The following PTPRC variants were observed in gnomAD, a reference collection of about 807,000 sequenced individuals.
PTPRC encodes protein tyrosine phosphatase receptor type C, also known as receptor-type tyrosine-protein phosphatase C.
In PTPRC, 44 loss-of-function variants were observed where a neutral mutation model predicts 155.9. That is an observed-to-expected ratio of 0.28 (90% confidence interval 0.22 to 0.36). PTPRC has a LOEUF of 0.36. PTPRC is among the 10% of genes least tolerant of loss of function. The probability of loss-of-function intolerance (pLI) is 1.00; values close to 1 mark genes in which losing one functional copy is unlikely to be tolerated. For synonymous variants in PTPRC, 525 were observed against 533.1 expected, an observed-to-expected ratio of 0.98 and a Z score of 0.21; for missense variants, 1,401 against 1,564.6, an observed-to-expected ratio of 0.90 and a Z score of 1.76.
rs567400223 is a variant in PTPRC at position 198,737,549 on chromosome 1, G to C, written c.2403+2297G>C. Among the ~76,000 whole-genome samples, 314 of 151,738 alleles carry C rather than the reference G, an allele frequency of 2.1e-3. 2 individuals are homozygous for C. The highest frequency in any genetic ancestry group is 7.4e-3 in the African/African-American group (306 of 41,468). On this transcript the variant is annotated intron_variant, in intron 23 of 32. Coordinates refer to ENST00000442510, the MANE Select transcript of PTPRC (RefSeq NM_002838.5). ...TATGTTTTTATGCCAGTACCATGCT[G>C]TTCTGGTTACTATAGCTCTGAAGTA...
chr1:198,721,744 T>C (rs566599365), intron 14 of PTPRC, among the ~76,000 whole-genome samples: 1 of 152,000 alleles, frequency 6.6e-6, no homozygotes, highest in Non-Finnish European at 1.5e-5. Context: ...GGGTAAATTA[T>C]ATATTCTCCA....
intron 32 of PTPRC, 194 bp downstream of exon 32, chr1:198,754,598 G>GTAAA (rs1655543520): frequency 4.4e-6 from 3 of 685,222 alleles, no homozygotes; most frequent in Non-Finnish European, 4.7e-6. Context: ...ATTATTATAA[G>GTAAA]TCTAAATAAG....
intron 2 of PTPRC, among the ~76,000 whole-genome samples, chr1:198,690,756 C>T (rs767011521): frequency 2.3e-4 from 35 of 152,184 alleles, no homozygotes; most frequent in Middle Eastern, 3.4e-3. Context: ...CATCTGATCT[C>T]TGATTCTCTT....
At chr1:198,742,199 C>G (rs1287924240) in intron 24 of PTPRC, 33 bp from the exon 25 acceptor site, 2 of 1,612,008 alleles carry the variant, frequency 1.2e-6, no homozygotes, top group Admixed American at 3.3e-5. Context: ...TTTCCATGAT[C>G]ATGCCTCTGC....
At chr1:198,683,526 AC>A (rs1242032253) in intron 2 of PTPRC, among the ~76,000 whole-genome samples, 2 of 152,116 alleles carry the variant, frequency 1.3e-5, no homozygotes, top group Non-Finnish European at 2.9e-5. Context: ...ATGGGAACAA[AC>A]CTATTCTGGA....
chr1:198,742,870 A>G (rs1161456103), intron 25 of PTPRC, among the ~76,000 whole-genome samples: 2 of 151,770 alleles, frequency 1.3e-5, no homozygotes, highest in East Asian at 3.9e-4. Flanking sequence ...ACAGACTTAT[A>G]ACCACAAAAG....
intron 2 of PTPRC, among the ~76,000 whole-genome samples, chr1:198,667,552 G>A (rs1664393336): frequency 2.0e-5 from 3 of 152,144 alleles, no homozygotes; most frequent in Admixed American, 2.0e-4. Flanking sequence ...ATTATTGATG[G>A]ACAATAAAGG....
chr1:198,649,445 G>C (rs1412051421), intron 2 of PTPRC, among the ~76,000 whole-genome samples: 1 of 151,940 alleles, frequency 6.6e-6, no homozygotes, highest in East Asian at 1.9e-4. Flanking sequence ...GAAGGAAACA[G>C]ATAAACCAAA....
intron 2 of PTPRC, among the ~76,000 whole-genome samples, chr1:198,689,424 T>C (rs1394255505): frequency 1.3e-5 from 2 of 152,182 alleles, no homozygotes; most frequent in African/African-American, 4.8e-5. Context: ...ACTCTATCTA[T>C]AGTTGGTGCT....
intron 22 of PTPRC, among the ~76,000 whole-genome samples, chr1:198,734,771 T>C (rs1654549970): frequency 6.6e-6 from 1 of 151,640 alleles, no homozygotes; most frequent in Non-Finnish European, 1.5e-5. Flanking sequence ...GGCAGATAGG[T>C]GGTGAGTCAT....
intron 5 of PTPRC, among the ~76,000 whole-genome samples, chr1:198,701,299 G>T (rs1258172566): frequency 2.0e-5 from 3 of 152,156 alleles, no homozygotes; most frequent in Non-Finnish European, 2.9e-5. Context: ...ATTTGTAATT[G>T]GTAGACACCT....
At position 198,661,979 on chromosome 1, in the gene PTPRC, C is replaced by T. The variant is rs561304593; in HGVS notation, c.73+22638C>T. Among the ~76,000 whole-genome samples, 340 of 152,208 alleles carry T rather than the reference C, an allele frequency of 2.2e-3. 1 individual carries two copies. Among genetic ancestry groups the T allele is most frequent in the African/African-American group, 7.5e-3 (310 of 41,530 alleles). On this transcript the variant is annotated intron_variant, in intron 2 of 32. Coordinates refer to ENST00000442510, the MANE Select transcript of PTPRC (RefSeq NM_002838.5). ...GTGTGATATTCTGGACTGGACACAG[C>T]ACTTCAGGGACCTGGTATCTTGAAT...
chr1:198,732,443 A>T (rs753360743), intron 19 of PTPRC, 37 bp from the exon 20 acceptor site: 3 of 1,599,870 alleles, frequency 1.9e-6, no homozygotes, highest in Non-Finnish European at 1.7e-6. Context: ...TTGATTATTC[A>T]CTATTTCACT....
Position 198,699,246 on chromosome 1 carries a change from C to T in PTPRC, c.299-318C>T, listed in dbSNP as rs534824685. Among the ~76,000 whole-genome samples the T allele has an allele frequency of 2.6e-5, 4 of 152,206 alleles. No individual in the cohort carries two copies. In the East Asian group the frequency reaches 7.7e-4, roughly 29 times the overall value. On this transcript the variant is annotated intron_variant, in intron 4 of 32. Coordinates refer to ENST00000442510, the MANE Select transcript of PTPRC (RefSeq NM_002838.5). ...TTATTCTCCCTACAAAGAAATGTCC[C>T]ATCTGTCAGTTTGTAGAGTTGATGG...
chr1:198,680,279 C>T (rs992396195), intron 2 of PTPRC, among the ~76,000 whole-genome samples: 1 of 152,032 alleles, frequency 6.6e-6, no homozygotes, highest in Non-Finnish European at 1.5e-5. Context: ...ATGGTGAAGC[C>T]CCGTCTCTAC....
chr1:198,743,920 A>T, intron 25 of PTPRC, 134 bp from the exon 26 acceptor site: 1 of 811,908 alleles, frequency 1.2e-6, no homozygotes, highest in Non-Finnish European at 2.0e-6. Flanking sequence ...TTTAAATATT[A>T]TAGATATCAA....
At chr1:198,687,524 T>G (rs912515763) in intron 2 of PTPRC, among the ~76,000 whole-genome samples, 3 of 152,194 alleles carry the variant, frequency 2.0e-5, no homozygotes, top group African/African-American at 4.8e-5. Flanking sequence ...ACTCCCTACC[T>G]TGTTTCATAT....
At chr1:198,752,986 G>A (rs1190493969) in intron 31 of PTPRC, among the ~76,000 whole-genome samples, 1 of 151,964 alleles carries the variant, frequency 6.6e-6, no homozygotes, top group Non-Finnish European at 1.5e-5. Flanking sequence ...TTTAAGTTGT[G>A]TTTTTTAATA....
intron 23 of PTPRC, among the ~76,000 whole-genome samples, chr1:198,741,192 C>A (rs1654883313): frequency 6.6e-6 from 1 of 151,764 alleles, no homozygotes; most frequent in Admixed American, 6.6e-5. Flanking sequence ...CTTTTGTTAT[C>A]TAAATGTAGA....
Sources: allele counts gnomAD v4.1 joint callset (sites outside exome capture counted in the v4.1 genomes callset), GRCh38; gene constraint gnomAD v4.1.1; transcripts MANE v1.5; gene names NCBI Gene and HGNC (gene_info 2026-07-23, HGNC 2026-07-21).